ABLIM1: variants seen among roughly 807,000 people sequenced by gnomAD.
ABLIM1 encodes actin-binding LIM protein 1.
In ABLIM1, 40 loss-of-function variants were observed where a neutral mutation model predicts 107.0. That is an observed-to-expected ratio of 0.37 (90% CI 0.29 to 0.49). ABLIM1 has a LOEUF of 0.49. ABLIM1 is among the 20% of genes least tolerant of loss of function. The probability of loss-of-function intolerance (pLI) is 0.97; values close to 1 mark genes in which losing one functional copy is unlikely to be tolerated. For missense variants in ABLIM1, 857 were observed against 1,008.5 expected (o/e 0.85, Z 2.04); for synonymous variants, 357 against 357.3 (o/e 1.00, Z 0.01).
chr10:114,672,893 C>T (rs2080315287), intron 1 of ABLIM1, among the ~76,000 whole-genome samples: 1 of 152,070 alleles, frequency 6.6e-6, no homozygotes, highest in Non-Finnish European at 1.5e-5. Flanking sequence ...TGTAGTGGCA[C>T]CTGTGTTGTA....
the ABLIM1 span, among the ~76,000 whole-genome samples, chr10:114,783,320 AAG>A: frequency 3.9e-5 from 6 of 151,962 alleles, no homozygotes; most frequent in Non-Finnish European, 5.9e-5. Context: ...AAAAAAATAA[AAG>A]AGAGAGAAAA....
At chr10:114,436,439 G>A (rs74160409) in intron 22 of ABLIM1, 66 bp from the exon 23 acceptor site, 58,946 of 1,223,616 alleles carry the variant, frequency 0.048, 1,624 homozygotes, top group African/African-American at 0.083. Context: ...GGCCTTGAGC[G>A]TTGCTCTATA....
the ABLIM1 span, among the ~76,000 whole-genome samples, chr10:114,798,563 C>CA: frequency 3.2e-5 from 4 of 125,828 alleles, no homozygotes; most frequent in South Asian, 2.3e-4. Context: ...GAGACCCCCC[C>CA]CCCATGTCTA....
At chr10:114,465,974 G>T in intron 11 of ABLIM1, 147 bp from the exon 12 acceptor site, 1 of 950,512 alleles carries the variant, frequency 1.1e-6, no homozygotes, top group Non-Finnish European at 1.5e-6. Context: ...AATTTTGCAG[G>T]TATTTTATAT....
chr10:114,705,761 A>G (rs1219707091), intron 1 of ABLIM1, among the ~76,000 whole-genome samples: 3 of 152,242 alleles, frequency 2.0e-5, no homozygotes, highest in Non-Finnish European at 2.9e-5. Flanking sequence ...GAAGTTATGT[A>G]AGATATTTTC....
chr10:114,517,206 T>G (rs541297063), intron 6 of ABLIM1, among the ~76,000 whole-genome samples: 2 of 151,968 alleles, frequency 1.3e-5, no homozygotes, highest in South Asian at 4.2e-4. Flanking sequence ...AAGGTAAGGG[T>G]GTTGAGAGAA....
chr10:114,765,695 AT>A (rs1364050157), intron 1 of ABLIM1, among the ~76,000 whole-genome samples: 1 of 152,214 alleles, frequency 6.6e-6, no homozygotes, highest in Non-Finnish European at 1.5e-5. Flanking sequence ...ATCTTTTAGA[AT>A]TTTTTTTCAA....
chr10:114,607,130 T>C (rs2076472329), intron 1 of ABLIM1, among the ~76,000 whole-genome samples: 1 of 152,230 alleles, frequency 6.6e-6, no homozygotes, highest in African/African-American at 2.4e-5. Flanking sequence ...TGGTGCGATC[T>C]TGGCTCACTG....
intron 1 of ABLIM1, among the ~76,000 whole-genome samples, chr10:114,648,882 A>G (rs2079117792): frequency 6.6e-6 from 1 of 152,186 alleles, no homozygotes; most frequent in Non-Finnish European, 1.5e-5. Context: ...AGCAGAGCCC[A>G]AAAGAGGAGA....
At chr10:114,438,767 T>G (rs1268342903) in intron 21 of ABLIM1, among the ~76,000 whole-genome samples, 3 of 152,210 alleles carry the variant, frequency 2.0e-5, no homozygotes, top group Non-Finnish European at 2.9e-5. Context: ...CAGGGTGCTC[T>G]GGAGCTAGGG....
chr10:114,487,002 G>T (rs891365896), intron 8 of ABLIM1, among the ~76,000 whole-genome samples: 1 of 152,200 alleles, frequency 6.6e-6, no homozygotes, highest in Non-Finnish European at 1.5e-5. Context: ...AAGGCAGAGC[G>T]AATGGGTCTC....
Position 114,491,872 on chromosome 10 carries a change from C to T in ABLIM1, c.901G>A (p.Asp301Asn), listed in dbSNP as rs758650622. 29 of 1,606,088 alleles carry T rather than the reference C, an allele frequency of 1.8e-5. No homozygotes were observed. The highest frequency in any genetic ancestry group is 2.5e-5 in the Non-Finnish European group (29 of 1,173,796). The stretch of plus-strand genomic sequence containing the variant: ...GCACAGCTGGGGTGGTAATGTTTGT[C>T]ACCTGCCTGCAAGAGAAAAGGTAGG... Reference protein sequence around the residue: ...FITGKVLEAGDKHYHPSCARC... With the variant: ...FITGKVLEAGNKHYHPSCARC... The change falls in exon 7 of 23, where the codon GAC becomes AAC. Residue 301 changes from aspartate to asparagine, a missense_variant. Physicochemically the swap from Asp to Asn is conservative, Grantham distance 23. This residue lies in a region of ABLIM1 where 381 missense variants were observed against 506.9 expected (regional missense o/e 0.75). Transcript: ENST00000533213.
chr10:114,485,201 G>A (rs776226993), intron 8 of ABLIM1: 106 of 924,014 alleles, frequency 1.1e-4, no homozygotes, highest in Non-Finnish European at 1.5e-4. Flanking sequence ...TGCAGGAGCC[G>A]AAGAAGTTAT....
At chr10:114,579,930 ATTG>A (rs1471295435) in intron 2 of ABLIM1, among the ~76,000 whole-genome samples, 3 of 152,174 alleles carry the variant, frequency 2.0e-5, no homozygotes, top group African/African-American at 4.8e-5. Flanking sequence ...ATACTGGGGC[ATTG>A]TTTCACAGAT....
At chr10:114,535,830 G>A (rs531709931) in intron 6 of ABLIM1, among the ~76,000 whole-genome samples, 2 of 152,188 alleles carry the variant, frequency 1.3e-5, no homozygotes, top group Admixed American at 6.5e-5. Context: ...TTAGCCAAAC[G>A]TGGATTGAAA....
At chr10:114,531,707 G>A (rs1260465728) in intron 6 of ABLIM1, among the ~76,000 whole-genome samples, 2 of 152,030 alleles carry the variant, frequency 1.3e-5, no homozygotes, top group African/African-American at 2.4e-5. Context: ...TAGTAGAGAC[G>A]GGGTTTCACC....
chr10:114,723,023 AC>A (rs1169420992), intron 1 of ABLIM1, among the ~76,000 whole-genome samples: 1 of 152,174 alleles, frequency 6.6e-6, no homozygotes, highest in Non-Finnish European at 1.5e-5. Context: ...TCACCAGTAA[AC>A]CAGGAATTCC....
chr10:114,621,835 G>A (rs571532248), intron 1 of ABLIM1, among the ~76,000 whole-genome samples: 5 of 152,334 alleles, frequency 3.3e-5, no homozygotes, highest in South Asian at 2.1e-4. Context: ...TGATCAGGCC[G>A]CTACTAGAAG....
At chr10:114,438,321 G>A (rs907945082) in intron 21 of ABLIM1, among the ~76,000 whole-genome samples, 1 of 152,162 alleles carries the variant, frequency 6.6e-6, no homozygotes, top group African/African-American at 2.4e-5. Context: ...ATGCAGTGGT[G>A]TGATCACAGC....
Sources: allele counts gnomAD v4.1 joint callset (sites outside exome capture counted in the v4.1 genomes callset), GRCh38; gene constraint gnomAD v4.1.1; regional missense constraint gnomAD v4.1.1; transcripts MANE v1.5; gene names NCBI Gene and HGNC (gene_info 2026-07-23, HGNC 2026-07-21).